DGAT1: variants seen among roughly 807,000 people sequenced by gnomAD.
DGAT1 encodes ACAT related gene product 1.
A neutral mutation model predicts 72.6 loss-of-function variants in DGAT1; 60 were observed. That is an observed-to-expected ratio of 0.83 (90% CI 0.67 to 1.02). DGAT1 has a LOEUF of 1.02. DGAT1 is among the 50% of genes least tolerant of loss of function. The pLI, the probability that DGAT1 is intolerant of heterozygous loss-of-function variation, is 0.00. For missense variants in DGAT1, 592 were observed against 670.0 expected, an observed-to-expected ratio of 0.88 and a Z score of 1.29; for synonymous variants, 290 against 267.5, an observed-to-expected ratio of 1.08 and a Z score of -0.82.
intron 2 of DGAT1, among the ~76,000 whole-genome samples, chr8:144,319,325 C>T (rs1007371958): frequency 7.9e-5 from 12 of 152,188 alleles, no homozygotes; most frequent in African/African-American, 2.4e-4. Flanking sequence ...GGGAACCAAC[C>T]GGCCAGACCA....
Position 144,326,451 on chromosome 8 carries a change from G to A in DGAT1, c.186C>T (p.Gly62=). The part of the protein sequence containing the change: ...NKDGDAGVGS[G]HWELRCHRLQ... ...CGCTCCGCTACCTCAGCTCCCAGTG[G>A]CCGCTGCCCACGCCGGCGTCTCCGT... The change falls in exon 1 of 17, where the codon GGC becomes GGT. Residue 62 remains glycine (G), a synonymous_variant. Coordinates refer to ENST00000528718, the MANE Select transcript of DGAT1 (RefSeq NM_012079.6). 1.5e-6 allele frequency: 2 copies of A among 1,362,624 alleles called. No individual in the cohort carries two copies. The highest frequency in any genetic ancestry group is 3.1e-5 in the East Asian group (1 of 32,122). The allele number at this position is 1,362,624 out of a possible 1,614,324, so 84.4% of individuals were successfully genotyped here. A position where few individuals can be genotyped will look rare whatever the true frequency, so the allele number is the denominator to read the frequency against.
Position 144,317,702 on chromosome 8 carries a change from G to A in DGAT1, c.905C>T (p.Pro302Leu). The A allele has an allele frequency of 6.2e-7, 1 of 1,613,660 alleles. No homozygotes were observed. Among genetic ancestry groups the A allele is most frequent in the Non-Finnish European group, 8.5e-7 (1 of 1,179,982 alleles). ...QVGLIQQWMV[P>L]TIQNSMKPFK... ...GGGCTTCATGGAGTTCTGGATGGTG[G>A]GGACCATCCACTGCAAAGGAGGGCA... Residue 302 changes from proline (P) to leucine (L), a missense_variant, in exon 11 of 17, where the codon CCC (proline) becomes CTC (leucine). By Grantham distance (98) the Pro-to-Leu change is moderately conservative. Coordinates refer to ENST00000528718, the MANE Select transcript of DGAT1 (RefSeq NM_012079.6).
rs1817166637 is a variant in DGAT1 at position 144,315,415 on chromosome 8, CCTGGTG to C, written c.*1133_*1138del. Reference sequence around the variant, plus strand: ...AGTTCAGCAGGTTGCTGATGAGGCCCCTGGTGCAGTCCTGGGACCCTGTGCAGGGCC... The same window carrying C: ...AGTTCAGCAGGTTGCTGATGAGGCCCCAGTCCTGGGACCCTGTGCAGGGCC... On this transcript the variant is annotated 3_prime_UTR_variant, in exon 17 of 17. Coordinates refer to ENST00000528718, the MANE Select transcript of DGAT1 (RefSeq NM_012079.6). 1.0e-6 allele frequency: 1 copy of C among 985,400 alleles called. No homozygotes were observed. Among genetic ancestry groups the C allele is most frequent in the Non-Finnish European group, 1.2e-6 (1 of 829,980 alleles). 61.0% of individuals were successfully genotyped at this position (985,400 alleles called of 1,614,324 possible).
rs1271573830 is a variant in DGAT1, at chr8:144,315,714, A to T, written c.*840T>A. On this transcript the variant is annotated 3_prime_UTR_variant, in exon 17 of 17. Transcript: ENST00000528718. ...CCTGGTGCCAGAAGAGCAGAGGGCAAGGCAGGCCTGGGGATCAGGGGTGCC... is the reference window on the plus strand; with the variant it reads ...CCTGGTGCCAGAAGAGCAGAGGGCATGGCAGGCCTGGGGATCAGGGGTGCC... 1.1e-6 allele frequency: 1 copy of T among 927,916 alleles called. No individual in the cohort carries two copies. The allele number at this position is 927,916 out of a possible 1,614,324, so 57.5% of individuals were successfully genotyped here. A position where few individuals can be genotyped will look rare whatever the true frequency, so the allele number is the denominator to read the frequency against.
chr8:144,314,691 C>T lies in DGAT1; in HGVS notation c.*1863G>A, dbSNP rs1206390366. The stretch of plus-strand genomic sequence containing the variant: ...ACAGTGGATGGACGGACAAGACAGG[C>T]AGAGATCTATAAACAGACAGGCTCT... On this transcript the variant is annotated 3_prime_UTR_variant, in exon 17 of 17. Coordinates refer to ENST00000528718, the MANE Select transcript of DGAT1 (RefSeq NM_012079.6). 7.1e-6 allele frequency: 2 copies of T among 280,128 alleles called. No homozygotes were observed. Among genetic ancestry groups the T allele is most frequent in the African/African-American group, 2.1e-5 (1 of 47,092 alleles). The allele number at this position is 280,128 out of a possible 1,614,324, so 17.4% of individuals were successfully genotyped here. A position where few individuals can be genotyped will look rare whatever the true frequency, so the allele number is the denominator to read the frequency against.
intron 1 of DGAT1, among the ~76,000 whole-genome samples, chr8:144,325,145 G>A (rs1208670547): frequency 1.3e-5 from 2 of 152,004 alleles, no homozygotes; most frequent in East Asian, 3.9e-4. Context: ...GCCTCCTGGA[G>A]AGAGGGTAAC....
rs201711241 is a variant in DGAT1, at chr8:144,317,825, G to C, written c.856-3C>G. On this transcript the variant is annotated splice_region_variant and splice_polypyrimidine_tract_variant and intron_variant, in intron 9 of 16. Coordinates refer to ENST00000528718, the MANE Select transcript of DGAT1 (RefSeq NM_012079.6). ...ACCTGGAGCTGGGTGAAGAACAGCT[G>C]GGGGGGAAACAGAGAGCAGCCAGCT... 35 of 1,609,816 alleles carry C rather than the reference G, an allele frequency of 2.2e-5. No individual in the cohort carries two copies. Among genetic ancestry groups the C allele is most frequent in the Middle Eastern group, 1.6e-4 (1 of 6,068 alleles).
rs904631229 is a variant in DGAT1, at chr8:144,315,837, C to T, written c.*717G>A. ...TGCCAAACCGAGCCCTGCCCCAAGG[C>T]GAATAGCCATGGACATAGCCATTGT... On this transcript the variant is annotated 3_prime_UTR_variant, in exon 17 of 17. Transcript: ENST00000528718. The T allele has an allele frequency of 3.1e-5, 31 of 985,022 alleles. No homozygotes were observed. The African/African-American group carries it at 3.5e-4, about 11-fold the overall frequency. The allele number at this position is 985,022 out of a possible 1,614,324, so 61.0% of individuals were successfully genotyped here.
rs939644432 is a variant in DGAT1 at position 144,317,905 on chromosome 8, C to G, written c.855+9G>C. 6.5e-7 allele frequency: 1 copy of G among 1,529,268 alleles called. No homozygotes were observed. Among genetic ancestry groups the G allele is most frequent in the Admixed American group, 2.2e-5 (1 of 46,316 alleles). The allele number at this position is 1,529,268 out of a possible 1,614,324, so 94.7% of individuals were successfully genotyped here. A position where few individuals can be genotyped will look rare whatever the true frequency, so the allele number is the denominator to read the frequency against. Reference sequence around the variant, plus strand: ...GCCTCCAGTGGCTGCCCCCAGCCCCCAACCTCACCATCTCAAGGATCCGTC... The same window carrying G: ...GCCTCCAGTGGCTGCCCCCAGCCCCGAACCTCACCATCTCAAGGATCCGTC... On this transcript the variant is annotated intron_variant, in intron 9 of 16. Coordinates refer to ENST00000528718, the MANE Select transcript of DGAT1 (RefSeq NM_012079.6).
At position 144,318,327 on chromosome 8, in the gene DGAT1, G is replaced by C; in HGVS notation, c.610C>G (p.Leu204Val). Residue 204 changes from leucine to valine, a missense_variant, in exon 7 of 17, where the codon CTC becomes GTC. By Grantham distance (32) the Leu-to-Val change is conservative (BLOSUM62 1). Coordinates refer to ENST00000528718, the MANE Select transcript of DGAT1 (RefSeq NM_012079.6). ...SLLALMAHTILFLKLFSYRDV... is the reference protein window; with the variant it reads ...SLLALMAHTIVFLKLFSYRDV... ...CGGTAGGAGAAGAGCTTGAGGAAGA[G>C]GATGGTGTGCGCCATCAGCGCCAGC... 1 of 1,612,526 alleles carries C rather than the reference G, an allele frequency of 6.2e-7. No homozygotes were observed.
Position 144,315,127 on chromosome 8 carries a change from G to A in DGAT1, c.*1427C>T, listed in dbSNP as rs981952843. ...GGTGGAGGAAGGGAAGGGGGCCTGC[G>A]CTGGGCAGTGGAGCAGGCTTTGCTG... is the stretch of plus-strand genomic sequence containing the variant. On this transcript the variant is annotated 3_prime_UTR_variant, in exon 17 of 17. Transcript: ENST00000528718. 1.4e-5 allele frequency: 14 copies of A among 985,436 alleles called. No individual in the cohort carries two copies. The South Asian group carries it at 1.9e-4, about 13-fold the overall frequency. The allele number at this position is 985,436 out of a possible 1,614,324, so 61.0% of individuals were successfully genotyped here. A position where few individuals can be genotyped will look rare whatever the true frequency, so the allele number is the denominator to read the frequency against.
At chr8:144,320,026 GAC>G (rs1223097829) in intron 2 of DGAT1, among the ~76,000 whole-genome samples, 3 of 152,250 alleles carry the variant, frequency 2.0e-5, no homozygotes, top group Non-Finnish European at 2.9e-5. Context: ...CCGCAGGGCT[GAC>G]ACACAGGCCT....
intron 1 of DGAT1, among the ~76,000 whole-genome samples, chr8:144,322,954 G>C (rs1201266831): frequency 6.6e-6 from 1 of 152,176 alleles, no homozygotes; most frequent in Non-Finnish European, 1.5e-5. Context: ...ACAACCAGGA[G>C]GCTGGGTGTA....
At position 144,318,110 on chromosome 8, in the gene DGAT1, T is replaced by C; in HGVS notation, c.736A>G (p.Asn246Asp). The C allele has an allele frequency of 6.5e-7, 1 of 1,535,880 alleles. No homozygotes were observed. The highest frequency in any genetic ancestry group is 1.3e-5 in the South Asian group (1 of 78,674). ...AAPHTVSYPD[N>D]LTYRDLYYFL... ...AGGTCCTCACCGCGGTAGGTCAGAT[T>C]GTCCGGGTAGCTCACGGTGTGCGGG... The change falls in exon 8 of 17, where the codon AAT becomes GAT. Residue 246 changes from asparagine (N) to aspartate (D), a missense_variant. Coordinates refer to ENST00000528718, the MANE Select transcript of DGAT1 (RefSeq NM_012079.6).
intron 2 of DGAT1, among the ~76,000 whole-genome samples, chr8:144,319,752 G>C (rs575648659): frequency 5.9e-5 from 9 of 152,316 alleles, no homozygotes; most frequent in African/African-American, 1.7e-4. Context: ...GCCTGGAGTT[G>C]GGTGCTTGGC....
Position 144,316,269 on chromosome 8 carries a change from G to T in DGAT1, c.*285C>A. On this transcript the variant is annotated 3_prime_UTR_variant, in exon 17 of 17. Transcript: ENST00000528718. ...TGGCCATACCCCCCACCAGGCCCCA[G>T]GCCCCTGGCAGGCTGAAGAGGTCAC... 2.4e-6 allele frequency: 1 copy of T among 410,870 alleles called. No homozygotes were observed. Among genetic ancestry groups the T allele is most frequent in the Non-Finnish European group, 4.4e-6 (1 of 227,220 alleles). The allele number at this position is 410,870 out of a possible 1,614,324, so 25.5% of individuals were successfully genotyped here.
chr8:144,317,285 CACA>C, intron 13 of DGAT1, 33 bp from the exon 14 acceptor site: 1 of 1,612,746 alleles, frequency 6.2e-7, no homozygotes, highest in Non-Finnish European at 8.5e-7. Flanking sequence ...GGGATCAGAG[CACA>C]CCATGGCCCA....
intron 1 of DGAT1, 91 bp downstream of exon 1, chr8:144,326,346 A>C: frequency 8.3e-7 from 1 of 1,199,938 alleles, no homozygotes; most frequent in Non-Finnish European, 1.1e-6. Flanking sequence ...CCCAGGGCCC[A>C]TGTTCTCGGA....
chr8:144,318,610 G>A (rs782672141), intron 5 of DGAT1, 44 bp from the exon 6 acceptor site: 2 of 1,606,064 alleles, frequency 1.2e-6, no homozygotes, highest in Non-Finnish European at 8.5e-7. Flanking sequence ...CCCATTGCCT[G>A]GGAGAGGGCT....
Sources: gnomAD v4.1 joint callset for allele counts (sites outside exome capture counted in the v4.1 genomes callset) on GRCh38, gnomAD v4.1.1 for gene constraint, MANE v1.5 for transcripts, NCBI Gene and HGNC (gene_info 2026-07-23, HGNC 2026-07-21) for gene names.